ZNF831: variants seen among roughly 807,000 people sequenced by gnomAD.
ZNF831 encodes zinc finger protein 831.
ZNF831 carries 59 observed loss-of-function variants against 95.8 expected under a neutral mutation model. The ratio of observed to expected loss-of-function variants is 0.62; its 90% CI spans 0.50 to 0.77. The LOEUF is 0.77. Ranked by LOEUF, ZNF831 falls within the 30% of genes least tolerant of loss-of-function variation. The pLI, the probability that ZNF831 is intolerant of heterozygous loss-of-function variation, is 0.00. For synonymous variants in ZNF831, 961 were observed against 925.5 expected, an observed-to-expected ratio of 1.04 and a Z score of -0.70; for missense variants, 2,205 against 2,164.0, an observed-to-expected ratio of 1.02 and a Z score of -0.38.
chr20:59,254,057 C>T lies in ZNF831; in HGVS notation c.4348C>T (p.Leu1450=), dbSNP rs774087561. ...GLDLGLLETQ[L]LASQDSVSTD... is the part of the protein sequence containing the mutation. Reference sequence around the variant, plus strand: ...TGACCTTGGGTTGCTGGAGACTCAGCTGCTGGCCTCCCAGGATTCAGTCTC... The same window carrying T: ...TGACCTTGGGTTGCTGGAGACTCAGTTGCTGGCCTCCCAGGATTCAGTCTC... Residue 1450 remains leucine, a synonymous_variant, in exon 6 of 6, where the codon CTG becomes TTG. Coordinates refer to ENST00000371030, the MANE Select transcript of ZNF831 (RefSeq NM_178457.3). The surrounding 1 kb of genome is among the most constrained non-coding windows in gnomAD (Gnocchi z 4.5). The T allele has an allele frequency of 6.2e-7, 1 of 1,614,160 alleles. No homozygotes were observed. The highest frequency in any genetic ancestry group is 8.5e-7 in the Non-Finnish European group (1 of 1,180,036).
chr20:59,161,425 G>A (rs935695686), upstream of ZNF831, among the ~76,000 whole-genome samples: 2 of 152,006 alleles, frequency 1.3e-5, no homozygotes, highest in African/African-American at 2.4e-5. Flanking sequence ...CTACAGGTGT[G>A]CACCACCACA....
intron 4 of ZNF831, among the ~76,000 whole-genome samples, chr20:59,229,798 C>A (rs1323470777): frequency 3.3e-5 from 5 of 152,068 alleles, no homozygotes; most frequent in African/African-American, 1.2e-4. Context: ...GCTTGTGTTT[C>A]AGGCAGGGGG....
Position 59,145,812 on chromosome 20 carries a change from G to A in ZNF831, c.-1424-419G>A, listed in dbSNP as rs559403531. ...GATTTCCCTGTCCATGTGAGTGGCC[G>A]TGGGAGTGGTATGGTCGGAAAAGAG... is the stretch of plus-strand genomic sequence containing the variant. On this transcript the variant is annotated intron_variant, in intron 1 of 7. Coordinates refer to the ZNF831 transcript ENST00000637017. Among the ~76,000 whole-genome samples the A allele has an allele frequency of 1.8e-4, 28 of 152,280 alleles. 1 individual carries two copies. The highest frequency in any genetic ancestry group is 1.0e-3 in the South Asian group (5 of 4,822).
At chr20:59,148,426 A>C (rs1980002969) in intron 2 of ZNF831, among the ~76,000 whole-genome samples, 3 of 117,146 alleles carry the variant, frequency 2.6e-5, no homozygotes, top group Admixed American at 7.6e-5. Context: ...TCACGCCTGT[A>C]ATCCCAGCAC....
intron 1 of ZNF831, among the ~76,000 whole-genome samples, chr20:59,164,555 A>T (rs1046078879): frequency 6.6e-6 from 1 of 152,212 alleles, no homozygotes; most frequent in Non-Finnish European, 1.5e-5. Flanking sequence ...GTTAGAACAT[A>T]TTAGCCCAAG....
Position 59,217,769 on chromosome 20 carries a change from G to GTTTA in ZNF831, c.4027+10729_4027+10732dup, listed in dbSNP as rs1199531305. Among the ~76,000 whole-genome samples, 18 of 152,178 alleles carry GTTTA rather than the reference G, an allele frequency of 1.2e-4. No homozygotes were observed. Among genetic ancestry groups the GTTTA allele is most frequent in the African/African-American group, 2.9e-4 (12 of 41,512 alleles). On this transcript the variant is annotated intron_variant, in intron 4 of 5. Transcript: ENST00000371030. The surrounding 1 kb of genome is among the most constrained non-coding windows in gnomAD (Gnocchi z 4.4). ...AGAACATGGAGGGACGATAAGACTC[G>GTTTA]TTTATTTATTTATTTATTTTTTTAA... is the stretch of plus-strand genomic sequence containing the variant.
chr20:59,125,214 G>A lies in ZNF831; in HGVS notation c.-1425+1709G>A, dbSNP rs886399290. ...TCAGGGAGATATTAATAGAAAGGAC[G>A]TGGGTCACTGCTAGGAGCTGTGGCT... On this transcript the variant is annotated intron_variant, in intron 1 of 7. Transcript: ENST00000637017. 2.6e-5 allele frequency among the ~76,000 whole-genome samples: 4 copies of A among 152,342 alleles called. No individual in the cohort carries two copies. The East Asian group carries it at 5.8e-4, about 22-fold the overall frequency.
intron 1 of ZNF831, among the ~76,000 whole-genome samples, chr20:59,184,162 C>G (rs1414388251): frequency 6.6e-6 from 1 of 152,216 alleles, no homozygotes; most frequent in Non-Finnish European, 1.5e-5. Context: ...CACTTAGGAA[C>G]ATGCATTTAA....
chr20:59,208,773 C>A lies in ZNF831; in HGVS notation c.4027+1717C>A, dbSNP rs952705006. 6.6e-6 allele frequency among the ~76,000 whole-genome samples: 1 copy of A among 152,154 alleles called. No homozygotes were observed. The highest frequency in any genetic ancestry group is 1.5e-5 in the Non-Finnish European group (1 of 68,016). ...TTTATGGGGTAGAGCTTGGATGGAA[C>A]CCCTGCTGAGACGCTGGCAGAGAGC... On this transcript the variant is annotated intron_variant, in intron 4 of 5. Transcript: ENST00000371030. The surrounding 1 kb of genome is among the most constrained non-coding windows in gnomAD (Gnocchi z 4.2).
intron 4 of ZNF831, among the ~76,000 whole-genome samples, chr20:59,247,079 A>G (rs1376755310): frequency 2.0e-5 from 3 of 152,278 alleles, no homozygotes; most frequent in African/African-American, 7.2e-5. Flanking sequence ...AAATGAATTT[A>G]CTGTCAAAGA....
chr20:59,183,647 C>G (rs1184205366), intron 1 of ZNF831, among the ~76,000 whole-genome samples: 1 of 152,192 alleles, frequency 6.6e-6, no homozygotes, highest in Non-Finnish European at 1.5e-5. Flanking sequence ...ATGGTTTATA[C>G]CTTGCATTTC....
intron 2 of ZNF831, among the ~76,000 whole-genome samples, chr20:59,155,237 A>G (rs1172897873): frequency 2.6e-5 from 4 of 152,254 alleles, no homozygotes; most frequent in African/African-American, 2.4e-5. Context: ...AGAACAGTCT[A>G]GTAAAGGCAA....
At chr20:59,211,032 T>C (rs1601403465) in intron 4 of ZNF831, among the ~76,000 whole-genome samples, 1 of 60,552 alleles carries the variant, frequency 1.7e-5, no homozygotes, top group South Asian at 4.6e-4. Context: ...AGAGCGAGAC[T>C]CCGTCTCAAA....
In ZNF831 at chr20:59,225,324, A is replaced by G. The variant is rs1433825702; in HGVS notation, c.4027+18268A>G. ...GCCTTGGATTTTCCACGGCTGGTTTAGCAAGACTTGCTTTGGTCCTGACAG... is the reference window on the plus strand; with the variant it reads ...GCCTTGGATTTTCCACGGCTGGTTTGGCAAGACTTGCTTTGGTCCTGACAG... On this transcript the variant is annotated intron_variant, in intron 4 of 5. Coordinates refer to ENST00000371030, the MANE Select transcript of ZNF831 (RefSeq NM_178457.3). 3.9e-5 allele frequency among the ~76,000 whole-genome samples: 6 copies of G among 152,166 alleles called. 1 individual carries two copies. Among genetic ancestry groups the G allele is most frequent in the Non-Finnish European group, 7.3e-5 (5 of 68,030 alleles).
Position 59,163,891 on chromosome 20 carries a change from G to A in ZNF831, c.-353G>A, listed in dbSNP as rs1981046677. ...ATGGTGCTTTTCTCAGTTAAACGTG[G>A]ACTTGACATAAAGGCCAAGCCACAG... On this transcript the variant is annotated 5_prime_UTR_variant, in exon 1 of 6. Transcript: ENST00000371030. Among the ~76,000 whole-genome samples the A allele has an allele frequency of 6.6e-6, 1 of 152,044 alleles. No individual in the cohort carries two copies. Among genetic ancestry groups the A allele is most frequent in the African/African-American group, 2.4e-5 (1 of 41,384 alleles).
In ZNF831 at chr20:59,254,544, G is replaced by A. The variant is rs1434346916; in HGVS notation, c.4835G>A (p.Gly1612Asp). The change falls in exon 6 of 6, where the codon GGT (glycine) becomes GAT (aspartate). Residue 1612 changes from glycine to aspartate, a missense_variant. Transcript: ENST00000371030. This position sits in a 1 kb window ranked among gnomAD's most constrained non-coding sequence, Gnocchi z 4.5. ...TVPCPSLGSD[G>D]RKRQVSGLIT... is the part of the protein sequence containing the mutation. ...CCCTGCCCCTCTTTAGGAAGTGACGGTAGGAAACGTCAGGTATCTGGATTA... is the reference window on the plus strand; with the variant it reads ...CCCTGCCCCTCTTTAGGAAGTGACGATAGGAAACGTCAGGTATCTGGATTA... The A allele has an allele frequency of 6.2e-7, 1 of 1,614,076 alleles. No homozygotes were observed. The highest frequency in any genetic ancestry group is 8.5e-7 in the Non-Finnish European group (1 of 1,180,026).
intron 1 of ZNF831, among the ~76,000 whole-genome samples, chr20:59,139,215 T>C (rs1979601478): frequency 1.3e-5 from 2 of 151,944 alleles, no homozygotes; most frequent in South Asian, 4.1e-4. Flanking sequence ...ATAACAGTGG[T>C]TCCTTCCTTT....
intron 4 of ZNF831, among the ~76,000 whole-genome samples, chr20:59,214,735 AG>A (rs1437827029): frequency 7.2e-5 from 11 of 152,344 alleles, no homozygotes; most frequent in African/African-American, 2.6e-4. Flanking sequence ...CCTAAGCAAA[AG>A]CTGCCGAAGA....
intron 4 of ZNF831, among the ~76,000 whole-genome samples, chr20:59,211,284 C>A (rs925481268): frequency 4.6e-5 from 7 of 152,216 alleles, no homozygotes; most frequent in African/African-American, 1.7e-4. Flanking sequence ...GCCTAGGTCC[C>A]TGGCTCCCAT....
Sources: gnomAD v4.1 joint callset for allele counts (sites outside exome capture counted in the v4.1 genomes callset) on GRCh38, gnomAD v4.1.1 for gene constraint, Gnocchi (gnomAD v3.1) non-coding constraint, MANE v1.5 for transcripts, NCBI Gene and HGNC (gene_info 2026-07-23, HGNC 2026-07-21) for gene names.